LRP1B: variants seen among roughly 807,000 people sequenced by gnomAD.
LRP1B encodes the protein low-density lipoprotein receptor-related protein 1B.
LRP1B carries 217 observed loss-of-function variants against 556.6 expected under a neutral mutation model. The ratio of observed to expected loss-of-function variants is 0.39; its 90% confidence interval spans 0.35 to 0.44. The LOEUF (loss-of-function observed/expected upper bound fraction) is 0.44. Among genes scored for constraint, LRP1B ranks in the 20% least tolerant of loss-of-function variants. The pLI is 1.00. For synonymous variants in LRP1B, 2,047 were observed against 1,865.8 expected, an observed-to-expected ratio of 1.10 and a Z score of -2.50; for missense variants, 5,053 against 5,620.8, an observed-to-expected ratio of 0.90 and a Z score of 3.23.
intron 1 of LRP1B, among the ~76,000 whole-genome samples, chr2:141,955,492 C>T (rs184496846): frequency 7.7e-4 from 117 of 152,100 alleles, no homozygotes; most frequent in Admixed American, 3.5e-3. Flanking sequence ...TAAATGTGTA[C>T]ATTAAAGTTT....
chr2:140,264,683 A>C lies in LRP1B; in HGVS notation c.13247+5559T>G, dbSNP rs1224400050. ...CAGAATTCAGCCCATAAAATGACAAAAAAAAAAATTGTCTATATATGTGTG... is the reference window on the plus strand; with the variant it reads ...CAGAATTCAGCCCATAAAATGACAACAAAAAAAATTGTCTATATATGTGTG... On this transcript the variant is annotated intron_variant, in intron 86 of 90. Transcript: ENST00000389484. Among the ~76,000 whole-genome samples, 3 of 69,612 alleles carry C rather than the reference A, an allele frequency of 4.3e-5. No individual in the cohort carries two copies. In the East Asian group the frequency reaches 1.3e-3, roughly 29 times the overall value. The allele number at this position is 69,612 out of a possible 152,430, so 45.7% of individuals were successfully genotyped here.
chr2:142,054,516 C>T lies in LRP1B; in HGVS notation c.82+76132G>A, dbSNP rs1314903902. On this transcript the variant is annotated intron_variant, in intron 1 of 90. Transcript: ENST00000389484. Reference sequence around the variant, plus strand: ...TCCTTCCTTCCTGCATTTCGTACTCCACAAGGTCTATCTCATTAGTTACTT... The same window carrying T: ...TCCTTCCTTCCTGCATTTCGTACTCTACAAGGTCTATCTCATTAGTTACTT... Among the ~76,000 whole-genome samples the T allele has an allele frequency of 3.3e-5, 5 of 152,180 alleles. No homozygotes were observed. In the East Asian group the frequency reaches 5.8e-4, roughly 18 times the overall value.
chr2:141,967,018 T>C (rs1420608205), intron 1 of LRP1B, among the ~76,000 whole-genome samples: 2 of 151,914 alleles, frequency 1.3e-5, no homozygotes, highest in East Asian at 1.9e-4. Flanking sequence ...ATTACACTGG[T>C]CTTTTCCTGC....
intron 2 of LRP1B, among the ~76,000 whole-genome samples, chr2:141,667,110 G>A (rs958891789): frequency 1.3e-5 from 2 of 151,864 alleles, no homozygotes; most frequent in Non-Finnish European, 2.9e-5. Flanking sequence ...ATATTCTCCT[G>A]TATGTTTCTG....
At chr2:141,781,911 G>A (rs372010479) in intron 2 of LRP1B, among the ~76,000 whole-genome samples, 11 of 151,994 alleles carry the variant, frequency 7.2e-5, no homozygotes, top group African/African-American at 1.7e-4. Context: ...TTCTTAAAGC[G>A]TTTTCCCACA....
chr2:141,721,534 A>G (rs1692814707), intron 2 of LRP1B, among the ~76,000 whole-genome samples: 1 of 152,180 alleles, frequency 6.6e-6, no homozygotes, highest in African/African-American at 2.4e-5. Flanking sequence ...AAAACTTCAT[A>G]ATAGTTTTTA....
At position 141,176,237 on chromosome 2, in the gene LRP1B, G is replaced by A. The variant is rs955238433; in HGVS notation, c.1013+12184C>T. Among the ~76,000 whole-genome samples the A allele has an allele frequency of 9.2e-4, 140 of 152,172 alleles. 1 individual carries two copies. Among genetic ancestry groups the A allele is most frequent in the African/African-American group, 3.2e-3 (133 of 41,536 alleles). ...AAGCATTATTGGTTTTGAAATGTGAGAATGACATGAGATTTGGGAGGGGCA... is the reference window on the plus strand; with the variant it reads ...AAGCATTATTGGTTTTGAAATGTGAAAATGACATGAGATTTGGGAGGGGCA... On this transcript the variant is annotated intron_variant, in intron 7 of 90. Coordinates refer to ENST00000389484, the MANE Select transcript of LRP1B (RefSeq NM_018557.3).
chr2:140,687,799 A>G (rs913856046), intron 41 of LRP1B, among the ~76,000 whole-genome samples: 6 of 152,138 alleles, frequency 3.9e-5, no homozygotes, highest in African/African-American at 1.4e-4. Flanking sequence ...TTTTCAAACA[A>G]TAACAGGAAA....
At chr2:141,465,254 T>C (rs1044612095) in intron 3 of LRP1B, among the ~76,000 whole-genome samples, 7 of 151,024 alleles carry the variant, frequency 4.6e-5, no homozygotes, top group Non-Finnish European at 1.0e-4. Flanking sequence ...TTTGAAGGCA[T>C]AAAACTGAGA....
chr2:141,053,847 T>TGTGA (rs1403062140), intron 10 of LRP1B, among the ~76,000 whole-genome samples: 1 of 150,936 alleles, frequency 6.6e-6, no homozygotes, highest in Non-Finnish European at 1.5e-5. Flanking sequence ...TGTGTGTGTG[T>TGTGA]GATTATATTT....
chr2:140,337,354 G>A lies in LRP1B; in HGVS notation c.11893-1516C>T, dbSNP rs749716612. On this transcript the variant is annotated intron_variant, in intron 77 of 90. Transcript: ENST00000389484. Reference sequence around the variant, plus strand: ...GATATCTCAGTTACCTGAATTAAATGTAAAGCACTCCGCAATACAGTATAC... The same window carrying A: ...GATATCTCAGTTACCTGAATTAAATATAAAGCACTCCGCAATACAGTATAC... 4.6e-5 allele frequency among the ~76,000 whole-genome samples: 7 copies of A among 151,902 alleles called. No homozygotes were observed. The South Asian group carries it at 1.0e-3, about 22-fold the overall frequency.
intron 7 of LRP1B, among the ~76,000 whole-genome samples, chr2:141,064,116 A>G (rs1040269433): frequency 6.6e-6 from 1 of 151,948 alleles, no homozygotes; most frequent in Non-Finnish European, 1.5e-5. Context: ...TTAGAGAAAT[A>G]AGAGTAAAGG....
intron 66 of LRP1B, among the ~76,000 whole-genome samples, chr2:140,434,607 CATT>C (rs1238533539): frequency 6.6e-6 from 1 of 152,130 alleles, no homozygotes; most frequent in Admixed American, 6.5e-5. Context: ...TCCCTACTTT[CATT>C]ATTTTCCACA....
At chr2:140,281,688 C>A (rs1682917740) in intron 84 of LRP1B, among the ~76,000 whole-genome samples, 1 of 151,816 alleles carries the variant, frequency 6.6e-6, no homozygotes, top group Non-Finnish European at 1.5e-5. Context: ...TTCACACACA[C>A]AAACCAACAA....
At chr2:141,210,430 ATCTTTACTTCCTTCTT>A (rs1268513706) in intron 6 of LRP1B, among the ~76,000 whole-genome samples, 1 of 152,176 alleles carries the variant, frequency 6.6e-6, no homozygotes, top group African/African-American at 2.4e-5. Flanking sequence ...TCACTTTTCT[ATCTTTACTTCCTTCTT>A]TCTTCCATAA....
chr2:140,612,189 G>C (rs1683095432), intron 41 of LRP1B, among the ~76,000 whole-genome samples: 2 of 152,032 alleles, frequency 1.3e-5, no homozygotes, highest in Non-Finnish European at 2.9e-5. Flanking sequence ...CATTAATCAA[G>C]TGAAATATTA....
chr2:142,058,547 T>C (rs557393417), intron 1 of LRP1B, among the ~76,000 whole-genome samples: 1 of 152,256 alleles, frequency 6.6e-6, no homozygotes, highest in South Asian at 2.1e-4. Context: ...TATGAGGTTT[T>C]TTTTGCAATT....
intron 2 of LRP1B, among the ~76,000 whole-genome samples, chr2:141,644,072 A>C (rs1282835287): frequency 1.3e-5 from 2 of 150,966 alleles, no homozygotes; most frequent in Non-Finnish European, 1.5e-5. Flanking sequence ...AATCTTCCTC[A>C]AAATTATATG....
Position 140,701,743 on chromosome 2 carries a change from T to C in LRP1B, c.6405A>G (p.Ile2135Met). Residue 2135 changes from isoleucine to methionine, a missense_variant, in exon 40 of 91, where the codon ATA becomes ATG. Physicochemically the swap from Ile to Met is conservative, Grantham distance 10. Coordinates refer to ENST00000389484, the MANE Select transcript of LRP1B (RefSeq NM_018557.3). ...GLGVNLKEVK[I>M]FNRVREKGTN... ...GACCTTTCTCTCTTACTCGGTTAAA[T>C]ATTTTAACCTCCTTCAGGTTGACTC... 1 of 1,612,642 alleles carries C rather than the reference T, an allele frequency of 6.2e-7. No homozygotes were observed. Among genetic ancestry groups the C allele is most frequent in the Non-Finnish European group, 8.5e-7 (1 of 1,179,004 alleles).
Sources: gnomAD v4.1 joint callset for allele counts (sites outside exome capture counted in the v4.1 genomes callset) on GRCh38, gnomAD v4.1.1 for gene constraint, MANE v1.5 for transcripts, NCBI Gene and HGNC (gene_info 2026-07-23, HGNC 2026-07-21) for gene names.